Variants in AARS1 observed in about 807,000 individuals in gnomAD.
The protein encoded by AARS1 is alanine--tRNA ligase, cytoplasmic.
In AARS1, 72 loss-of-function variants were observed where a neutral mutation model predicts 108.9. That is an observed-to-expected ratio of 0.66 (90% CI 0.55 to 0.80). AARS1 has a LOEUF of 0.80. Ranked by LOEUF, AARS1 falls within the 30% of genes least tolerant of loss-of-function variation. AARS1 has a pLI of 0.00. For missense variants in AARS1, 1,193 were observed against 1,233.2 expected, an observed-to-expected ratio of 0.97 and a Z score of 0.49; for synonymous variants, 489 against 465.7, an observed-to-expected ratio of 1.05 and a Z score of -0.64.
In AARS1 at chr16:70,265,532, C is replaced by T. The variant is rs1389847612; in HGVS notation, c.1347+6G>A. ...GGGTTTCCTGTTCACTCTCCAAGTT[C>T]TTTACCTGGGCCAGTTTCCTCTCCT... On this transcript the variant is annotated splice_donor_region_variant and intron_variant, in intron 10 of 20. Transcript: ENST00000261772. 6.2e-7 allele frequency: 1 copy of T among 1,613,780 alleles called. No individual in the cohort carries two copies. The highest frequency in any genetic ancestry group is 2.2e-5 in the East Asian group (1 of 44,868).
chr16:70,287,915 G>A (rs1960893167), intron 1 of AARS1, among the ~76,000 whole-genome samples: 1 of 150,860 alleles, frequency 6.6e-6, no homozygotes, highest in African/African-American at 2.4e-5. Flanking sequence ...ACAGGCATGT[G>A]CCACCACACC....
At chr16:70,255,438 T>TCCAC (rs1191731297) in intron 16 of AARS1, among the ~76,000 whole-genome samples, 4 of 152,042 alleles carry the variant, frequency 2.6e-5, no homozygotes, top group Admixed American at 2.6e-4. Flanking sequence ...GACCTAGTGA[T>TCCAC]CCACCCGCCT....
chr16:70,276,910 G>A, intron 3 of AARS1, 56 bp downstream of exon 3: 45 of 1,575,854 alleles, frequency 2.9e-5, no homozygotes, highest in Non-Finnish European at 3.9e-5. Flanking sequence ...CCAGTTCCCA[G>A]TGTGGAAAAG....
rs377576408 is a variant in AARS1 at position 70,254,049 on chromosome 16, T to G, written c.2401-11A>C. 2.8e-5 allele frequency: 45 copies of G among 1,613,580 alleles called. No homozygotes were observed. In the East Asian group the frequency reaches 9.6e-4, roughly 34 times the overall value. ...TGCAGTGGCCAGGGCCTGGAACCAA[T>G]AGACGACCATCTCAATCTGGGCCAC... On this transcript the variant is annotated splice_polypyrimidine_tract_variant and intron_variant, in intron 17 of 20. Coordinates refer to ENST00000261772, the MANE Select transcript of AARS1 (RefSeq NM_001605.3).
chr16:70,272,531 A>C (rs1278641686), intron 4 of AARS1, among the ~76,000 whole-genome samples: 5 of 149,988 alleles, frequency 3.3e-5, no homozygotes, highest in Non-Finnish European at 5.9e-5. Context: ...AAAAAAAAAA[A>C]AAAAACCCGC....
chr16:70,260,225 T>G (rs553220114), intron 13 of AARS1, among the ~76,000 whole-genome samples: 4 of 152,330 alleles, frequency 2.6e-5, no homozygotes, highest in African/African-American at 7.2e-5. Flanking sequence ...TACACAAAGT[T>G]TGCCAACCCC....
chr16:70,275,294 T>C (rs887183237), intron 4 of AARS1, among the ~76,000 whole-genome samples: 5 of 151,110 alleles, frequency 3.3e-5, no homozygotes, highest in South Asian at 2.1e-4. Flanking sequence ...AACAGAATTA[T>C]TGAACATATT....
intron 4 of AARS1, among the ~76,000 whole-genome samples, chr16:70,275,618 C>T (rs1197697835): frequency 6.6e-6 from 1 of 151,668 alleles, no homozygotes; most frequent in African/African-American, 2.4e-5. Flanking sequence ...AAAAAATTAG[C>T]CGGGCGTGGT....
chr16:70,262,268 G>T, intron 12 of AARS1, 78 bp downstream of exon 12: 1 of 1,570,658 alleles, frequency 6.4e-7, no homozygotes, highest in Non-Finnish European at 8.8e-7. Context: ...CCAAGGCCTG[G>T]AGCACTGTGG....
chr16:70,277,980 T>C (rs1960589697), intron 2 of AARS1, among the ~76,000 whole-genome samples: 1 of 151,940 alleles, frequency 6.6e-6, no homozygotes, highest in Admixed American at 6.6e-5. Flanking sequence ...CTCGAACACC[T>C]AACCCCAAGT....
Position 70,258,205 on chromosome 16 carries a change from G to T in AARS1, c.2005C>A (p.Gln669Lys). Residue 669 changes from glutamine to lysine, a missense_variant, in exon 15 of 21, where the codon CAG becomes AAG. Physicochemically the swap from Gln to Lys is moderately conservative, Grantham distance 53. Transcript: ENST00000261772. ...MIEAAKAVYT[Q>K]DCPLAAAKAI... ...TTCGCTGCTGCCAGGGGGCAATCCTGGGTATAGACGGCCTGCCAGACCAAG... is the reference window on the plus strand; with the variant it reads ...TTCGCTGCTGCCAGGGGGCAATCCTTGGTATAGACGGCCTGCCAGACCAAG... 6.3e-7 allele frequency: 1 copy of T among 1,593,396 alleles called. No homozygotes were observed. The highest frequency in any genetic ancestry group is 2.3e-5 in the East Asian group (1 of 43,948).
chr16:70,262,842 C>A (rs984649258), intron 11 of AARS1, among the ~76,000 whole-genome samples: 27 of 151,420 alleles, frequency 1.8e-4, no homozygotes, highest in African/African-American at 6.3e-4. Flanking sequence ...GTGGCGGGCA[C>A]CTGTAGTCCC....
chr16:70,281,866 A>C (rs1597448264), intron 2 of AARS1, among the ~76,000 whole-genome samples: 1 of 151,398 alleles, frequency 6.6e-6, no homozygotes, highest in Non-Finnish European at 1.5e-5. Context: ...AAATAATAAT[A>C]GCTGGCCGGG....
intron 18 of AARS1, 59 bp from the exon 19 acceptor site, chr16:70,253,859 G>A (rs1346613052): frequency 2.5e-6 from 4 of 1,614,204 alleles, no homozygotes; most frequent in Non-Finnish European, 3.4e-6. Flanking sequence ...CCGAACCCCT[G>A]GCTGTTCTGC....
chr16:70,258,268 G>C, intron 14 of AARS1, 51 bp from the exon 15 acceptor site: 1 of 1,542,186 alleles, frequency 6.5e-7, no homozygotes, highest in Non-Finnish European at 8.8e-7. Flanking sequence ...CTGGAGGTGC[G>C]GTACGACGAG....
chr16:70,282,838 C>CTTTG, intron 1 of AARS1, 54 bp from the exon 2 acceptor site: 1 of 1,560,038 alleles, frequency 6.4e-7, no homozygotes, highest in Non-Finnish European at 8.8e-7. Context: ...AGTCAAAGTA[C>CTTTG]ACATTACACA....
At chr16:70,262,994 A>AC (rs1960178037) in intron 11 of AARS1, among the ~76,000 whole-genome samples, 3 of 147,958 alleles carry the variant, frequency 2.0e-5, no homozygotes, top group African/African-American at 7.6e-5. Flanking sequence ...AAAAAAAAAA[A>AC]AAAACAACAA....
intron 2 of AARS1, among the ~76,000 whole-genome samples, chr16:70,278,338 G>C (rs1484402220): frequency 1.3e-5 from 2 of 151,950 alleles, no homozygotes; most frequent in African/African-American, 4.8e-5. Context: ...GGCTGAGGTG[G>C]GCGGATCACC....
In AARS1 at chr16:70,278,111, G is replaced by A. The variant is rs567591476; in HGVS notation, c.145-957C>T. ...AATTAAAATTAGGCTGGGCAAGGTG[G>A]CTCACACCTGTAATCCCACCACTTT... is the stretch of plus-strand genomic sequence containing the variant. On this transcript the variant is annotated intron_variant, in intron 2 of 20. Coordinates refer to ENST00000261772, the MANE Select transcript of AARS1 (RefSeq NM_001605.3). Among the ~76,000 whole-genome samples the A allele has an allele frequency of 5.1e-4, 78 of 152,084 alleles. 1 individual carries two copies. The South Asian group carries it at 0.011, about 22-fold the overall frequency.
Sources: gnomAD v4.1 joint callset for allele counts (sites outside exome capture counted in the v4.1 genomes callset) on GRCh38, gnomAD v4.1.1 for gene constraint, MANE v1.5 for transcripts, NCBI Gene and HGNC (gene_info 2026-07-23, HGNC 2026-07-21) for gene names.